Variants in NEDD4 observed in about 807,000 individuals in gnomAD.
The protein encoded by NEDD4 is E3 ubiquitin-protein ligase NEDD4.
Under a neutral mutation model 144.9 loss-of-function variants are expected in NEDD4, and 99 were observed. The ratio of observed to expected loss-of-function variants is 0.68; its 90% CI spans 0.58 to 0.81. The LOEUF (loss-of-function observed/expected upper bound fraction) is 0.81. NEDD4 is among the 30% of genes least tolerant of loss of function. NEDD4 has a pLI of 0.00. For synonymous variants in NEDD4, 318 were observed against 350.6 expected (o/e 0.91, Z 1.04); for missense variants, 985 against 1,065.9 (o/e 0.92, Z 1.06).
intron 24 of NEDD4, among the ~76,000 whole-genome samples, chr15:55,837,364 A>G (rs1444191635): frequency 6.6e-6 from 1 of 151,506 alleles, no homozygotes; most frequent in East Asian, 1.9e-4. Context: ...TGGGAGGTGC[A>G]GGTTGCAGTG....
chr15:55,957,413 T>G (rs2037355506), intron 2 of NEDD4, among the ~76,000 whole-genome samples: 3 of 152,202 alleles, frequency 2.0e-5, no homozygotes, highest in South Asian at 2.1e-4. Flanking sequence ...AGTAGGTGGT[T>G]AGCTACTGGG....
At chr15:55,940,518 T>TTCTCTCTCTC (rs60338644) in intron 4 of NEDD4, among the ~76,000 whole-genome samples, 5 of 106,186 alleles carry the variant, frequency 4.7e-5, no homozygotes, top group Admixed American at 1.9e-4. Context: ...CTCCTCCCCC[T>TTCTCTCTCTC]TCTCTCTCTC....
intron 5 of NEDD4, among the ~76,000 whole-genome samples, chr15:55,892,667 T>C (rs2035608939): frequency 6.6e-6 from 1 of 152,190 alleles, no homozygotes; most frequent in South Asian, 2.1e-4. Context: ...GCTATCCATT[T>C]TTACCCTCTG....
chr15:55,939,120 C>CAACA (rs112306166), intron 4 of NEDD4, among the ~76,000 whole-genome samples: 6 of 150,990 alleles, frequency 4.0e-5, no homozygotes, highest in South Asian at 2.1e-4. Context: ...ACAACAACAA[C>CAACA]AACAAACAAA....
intron 2 of NEDD4, chr15:55,952,587 A>T (rs2037261840): frequency 1.3e-5 from 2 of 152,046 alleles, no homozygotes; most frequent in Admixed American, 6.6e-5. Context: ...GTTACCTCTT[A>T]ATTGGCCAAA....
chr15:55,915,142 A>G (rs2036395434), intron 5 of NEDD4: 1 of 631,260 alleles, frequency 1.6e-6, no homozygotes, highest in Non-Finnish European at 2.5e-6. Context: ...ATTTACAAAT[A>G]TAAAATTTAT....
Position 55,844,488 on chromosome 15 carries a change from A to T in NEDD4, c.1609-2325T>A, listed in dbSNP as rs148073069. ...GAAGAGGGGGGTACAAGAGAACTTC[A>T]GTGTTTGAACTGAGTAGTAGACAAG... On this transcript the variant is annotated intron_variant, in intron 18 of 28. Coordinates refer to ENST00000435532, the MANE Select transcript of NEDD4 (RefSeq NM_006154.4). Among the ~76,000 whole-genome samples the T allele has an allele frequency of 1.9e-3, 282 of 152,278 alleles. 1 individual carries two copies. Among genetic ancestry groups the T allele is most frequent in the African/African-American group, 6.4e-3 (267 of 41,554 alleles).
At chr15:55,898,487 T>C (rs1334770562) in intron 5 of NEDD4, among the ~76,000 whole-genome samples, 1 of 152,198 alleles carries the variant, frequency 6.6e-6, no homozygotes, top group Non-Finnish European at 1.5e-5. Context: ...GCAAGCAGCC[T>C]TGATGCTTAC....
chr15:55,913,960 A>G (rs1323667780), intron 5 of NEDD4, among the ~76,000 whole-genome samples: 1 of 151,968 alleles, frequency 6.6e-6, no homozygotes, highest in Non-Finnish European at 1.5e-5. Flanking sequence ...TTCAGGAAGA[A>G]AAACAGTTGA....
At chr15:55,959,514 A>C (rs2142317464) in intron 2 of NEDD4, among the ~76,000 whole-genome samples, 1 of 152,344 alleles carries the variant, frequency 6.6e-6, no homozygotes, top group East Asian at 1.9e-4. Context: ...ACACTAGGGC[A>C]GCTCCTATTA....
rs79561431 is a variant in NEDD4, at chr15:55,862,394, A to C, written c.674+519T>G. 6.6e-5 allele frequency among the ~76,000 whole-genome samples: 10 copies of C among 152,310 alleles called. No individual in the cohort carries two copies. The East Asian group carries it at 1.7e-3, about 26-fold the overall frequency. On this transcript the variant is annotated intron_variant, in intron 9 of 28. Transcript: ENST00000435532. ...TAATAAAAAAAATCACTGAGGAGAC[A>C]GAAGTTAGAATATGTTGAAAGTCAT...
At chr15:55,862,794 T>C in intron 9 of NEDD4, 119 bp downstream of exon 9, 1 of 868,322 alleles carries the variant, frequency 1.2e-6, no homozygotes. Context: ...AAAATCCTAG[T>C]ATTCTTATAG....
chr15:55,863,088 C>T lies in NEDD4; in HGVS notation c.508-9G>A. ...AAAACAACCCAGCCAGGCTGAAAAA[C>T]AGGATGGCAGCAATTAAGTTTACGC... On this transcript the variant is annotated splice_polypyrimidine_tract_variant and intron_variant, in intron 8 of 28. Transcript: ENST00000435532. 1 of 1,549,612 alleles carries T rather than the reference C, an allele frequency of 6.5e-7. No individual in the cohort carries two copies. Among genetic ancestry groups the T allele is most frequent in the Non-Finnish European group, 8.8e-7 (1 of 1,139,912 alleles).
At position 55,939,589 on chromosome 15, in the gene NEDD4, T is replaced by C. The variant is rs190560625; in HGVS notation, c.237+11787A>G. Among the ~76,000 whole-genome samples the C allele has an allele frequency of 1.9e-3, 291 of 152,152 alleles. 7 individuals carry two copies. Among genetic ancestry groups the C allele is most frequent in the Admixed American group, 0.019 (288 of 15,276 alleles). On this transcript the variant is annotated intron_variant, in intron 4 of 28. Coordinates refer to ENST00000435532, the MANE Select transcript of NEDD4 (RefSeq NM_006154.4). ...AAGAAAACAAACAAATGGCCCACTC[T>C]TTATGTAAAAAGGTGCTCAAAAATC...
At chr15:55,898,631 CTT>C (rs34372143) in intron 5 of NEDD4, among the ~76,000 whole-genome samples, 1,352 of 108,252 alleles carry the variant, frequency 0.012, 9 homozygotes, top group Middle Eastern at 0.042. Flanking sequence ...ACAAAAAGAA[CTT>C]TTTTTTTTTT....
intron 4 of NEDD4, among the ~76,000 whole-genome samples, chr15:55,928,004 G>C (rs2142242555): frequency 6.6e-6 from 1 of 152,146 alleles, no homozygotes; most frequent in East Asian, 1.9e-4. Flanking sequence ...CTTATAACAG[G>C]ATTCACTACC....
At chr15:55,851,709 T>A (rs1359344102) in intron 13 of NEDD4, among the ~76,000 whole-genome samples, 5 of 151,940 alleles carry the variant, frequency 3.3e-5, no homozygotes, top group Non-Finnish European at 5.9e-5. Flanking sequence ...ACTCCCGACC[T>A]CAGGTGATCC....
intron 2 of NEDD4, among the ~76,000 whole-genome samples, chr15:55,959,776 G>C (rs929159550): frequency 3.3e-5 from 5 of 152,186 alleles, no homozygotes; most frequent in Admixed American, 6.5e-5. Context: ...GAAACGCTCA[G>C]ACTGGCAGCA....
intron 8 of NEDD4, 150 bp from the exon 9 acceptor site, chr15:55,863,229 A>T: frequency 1.7e-6 from 1 of 591,432 alleles, no homozygotes; most frequent in Non-Finnish European, 2.6e-6. Flanking sequence ...TTTTAAGACC[A>T]TAATGTAAAT....
Sources: gnomAD v4.1 joint callset for allele counts (sites outside exome capture counted in the v4.1 genomes callset) on GRCh38, gnomAD v4.1.1 for gene constraint, MANE v1.5 for transcripts, NCBI Gene and HGNC (gene_info 2026-07-23, HGNC 2026-07-21) for gene names.